AGAP1: variants seen among roughly 807,000 people sequenced by gnomAD.
AGAP1 encodes arf-GAP with GTPase, ANK repeat and PH domain-containing protein 1.
Under a neutral mutation model 105.3 loss-of-function variants are expected in AGAP1, and 29 were observed. The observed-to-expected ratio is 0.28, with a 90% CI of 0.21 to 0.38. The LOEUF is 0.38. Ranked by LOEUF, AGAP1 falls within the 10% of genes least tolerant of loss-of-function variation. The pLI is 1.00. For missense variants in AGAP1, 998 were observed against 1,165.1 expected (o/e 0.86, Z 2.09); for synonymous variants, 509 against 485.9 (o/e 1.05, Z -0.63).
intron 1 of AGAP1, among the ~76,000 whole-genome samples, chr2:235,515,009 T>C (rs565530348): frequency 6.6e-6 from 1 of 152,328 alleles, no homozygotes; most frequent in Admixed American, 6.5e-5. Context: ...TTGGGAATCT[T>C]TTCTTTGGGA....
At chr2:235,873,716 A>G (rs779146011) in intron 9 of AGAP1, among the ~76,000 whole-genome samples, 3 of 152,232 alleles carry the variant, frequency 2.0e-5, no homozygotes, top group Non-Finnish European at 4.4e-5. Flanking sequence ...CCTTGATGTC[A>G]GTCCAGAACC....
At position 236,020,621 on chromosome 2, in the gene AGAP1, T is replaced by A. The variant is rs773914807; in HGVS notation, c.1646-15940T>A. ...TTCCTCGCATGCAGACAATAAAACC[T>A]ACCTTGAAGGGTAATTGAAGAAGAA... On this transcript the variant is annotated intron_variant, in intron 13 of 17. Transcript: ENST00000304032. The surrounding 1 kb of genome is among the most constrained non-coding windows in gnomAD (Gnocchi z 5.0). Among the ~76,000 whole-genome samples, 2 of 152,170 alleles carry A rather than the reference T, an allele frequency of 1.3e-5. No homozygotes were observed. The highest frequency in any genetic ancestry group is 4.8e-5 in the African/African-American group (2 of 41,446).
rs920978564 is a variant in AGAP1 at position 235,610,680 on chromosome 2, G to T, written c.164-98499G>T. Among the ~76,000 whole-genome samples the T allele has an allele frequency of 6.6e-6, 1 of 152,072 alleles. No individual in the cohort carries two copies. The highest frequency in any genetic ancestry group is 1.9e-4 in the East Asian group (1 of 5,168). ...ATACAGCCCATAGCACAGCGCTTCC[G>T]CACACATCCACATTGCAGACCCGCC... is the stretch of plus-strand genomic sequence containing the variant. On this transcript the variant is annotated intron_variant, in intron 1 of 17. Coordinates refer to ENST00000304032, the MANE Select transcript of AGAP1 (RefSeq NM_001037131.3). The surrounding 1 kb of genome is among the most constrained non-coding windows in gnomAD (Gnocchi z 4.9).
chr2:235,908,668 C>T lies in AGAP1; in HGVS notation c.1156-70C>T, dbSNP rs943067403. On this transcript the variant is annotated intron_variant, in intron 10 of 17. Transcript: ENST00000304032. The surrounding 1 kb of genome is among the most constrained non-coding windows in gnomAD (Gnocchi z 4.4). Reference sequence around the variant, plus strand: ...TTTAACTCATGACGTCTGATAGACCCTTTTGTTCTAGGTTGTAAAAGGTCT... The same window carrying T: ...TTTAACTCATGACGTCTGATAGACCTTTTTGTTCTAGGTTGTAAAAGGTCT... The T allele has an allele frequency of 1.7e-5, 25 of 1,436,494 alleles. No individual in the cohort carries two copies. Among genetic ancestry groups the T allele is most frequent in the Non-Finnish European group, 2.3e-5 (24 of 1,062,788 alleles). 89.0% of individuals were successfully genotyped at this position (1,436,494 alleles called of 1,614,324 possible). A position where few individuals can be genotyped will look rare whatever the true frequency, so the allele number is the denominator to read the frequency against.
chr2:236,006,515 T>C (rs1274492165), intron 13 of AGAP1, among the ~76,000 whole-genome samples: 1 of 152,256 alleles, frequency 6.6e-6, no homozygotes, highest in Non-Finnish European at 1.5e-5. Flanking sequence ...TGTATCTATA[T>C]TTAACAGATT....
At chr2:235,562,388 A>G (rs1944184883) in intron 1 of AGAP1, among the ~76,000 whole-genome samples, 1 of 152,096 alleles carries the variant, frequency 6.6e-6, no homozygotes, top group Admixed American at 6.5e-5. Context: ...TGGTTCCCCG[A>G]AGCCCCCTCC....
chr2:235,749,464 A>G (rs985998471), intron 5 of AGAP1, among the ~76,000 whole-genome samples: 1 of 151,818 alleles, frequency 6.6e-6, no homozygotes, highest in Non-Finnish European at 1.5e-5. Flanking sequence ...GTGTGCACAC[A>G]TGACTTAGAT....
chr2:235,624,896 A>G (rs909804810), intron 1 of AGAP1, among the ~76,000 whole-genome samples: 1 of 150,710 alleles, frequency 6.6e-6, no homozygotes, highest in Non-Finnish European at 1.5e-5. Flanking sequence ...CCCCTTCCCC[A>G]CTCCCCGACC....
At chr2:235,605,848 C>T (rs778268759) in intron 1 of AGAP1, among the ~76,000 whole-genome samples, 4 of 152,210 alleles carry the variant, frequency 2.6e-5, no homozygotes, top group East Asian at 1.9e-4. Context: ...CCCTGTGTTG[C>T]CATGGCAACG....
chr2:236,095,772 A>G lies in AGAP1; in HGVS notation c.2115-24420A>G, dbSNP rs1361425951. Among the ~76,000 whole-genome samples, 1 of 152,242 alleles carries G rather than the reference A, an allele frequency of 6.6e-6. No homozygotes were observed. Among genetic ancestry groups the G allele is most frequent in the Non-Finnish European group, 1.5e-5 (1 of 68,042 alleles). On this transcript the variant is annotated intron_variant, in intron 16 of 17. Coordinates refer to ENST00000304032, the MANE Select transcript of AGAP1 (RefSeq NM_001037131.3). The surrounding 1 kb of genome is among the most constrained non-coding windows in gnomAD (Gnocchi z 4.1). ...TGAAGAAGTATATTAGTTCAGGGCT[A>G]GATTATGGATAGTTGCACAGAGATA... is the stretch of plus-strand genomic sequence containing the variant.
intron 9 of AGAP1, among the ~76,000 whole-genome samples, chr2:235,846,035 T>G (rs192974809): frequency 1.9e-4 from 29 of 152,276 alleles, no homozygotes; most frequent in Admixed American, 1.7e-3. Context: ...AAAAAAAAAT[T>G]TTAATTTCAC....
At chr2:235,501,666 CT>C (rs900931770) in intron 1 of AGAP1, among the ~76,000 whole-genome samples, 114 of 152,272 alleles carry the variant, frequency 7.5e-4, no homozygotes, top group African/African-American at 2.6e-3. Context: ...GTTTTTCCCC[CT>C]GTATACCCTG....
At chr2:235,650,097 C>G (rs1479028612) in intron 1 of AGAP1, among the ~76,000 whole-genome samples, 1 of 152,184 alleles carries the variant, frequency 6.6e-6, no homozygotes, top group Non-Finnish European at 1.5e-5. Context: ...GATGGTGGCT[C>G]ACGCCTGAAA....
intron 1 of AGAP1, among the ~76,000 whole-genome samples, chr2:235,573,917 C>T (rs1559259883): frequency 6.6e-6 from 1 of 152,238 alleles, no homozygotes; most frequent in Non-Finnish European, 1.5e-5. Flanking sequence ...TGGCTCCTGG[C>T]AGAGCCTCCC....
chr2:235,850,654 G>A (rs1033652660), intron 9 of AGAP1, among the ~76,000 whole-genome samples: 3 of 152,252 alleles, frequency 2.0e-5, no homozygotes, highest in Non-Finnish European at 2.9e-5. Flanking sequence ...TTTGGAATGA[G>A]CTGTTGTGTA....
intron 1 of AGAP1, among the ~76,000 whole-genome samples, chr2:235,694,870 G>A (rs1258016067): frequency 6.6e-6 from 1 of 152,204 alleles, no homozygotes; most frequent in Non-Finnish European, 1.5e-5. Flanking sequence ...AAGAGAGGCT[G>A]TGTAAGCACC....
chr2:235,595,149 AC>A (rs977366906), intron 1 of AGAP1, among the ~76,000 whole-genome samples: 22 of 152,112 alleles, frequency 1.4e-4, no homozygotes, highest in African/African-American at 5.3e-4. Flanking sequence ...CTTGACTCAG[AC>A]GGCTTGGGAG....
rs1472244867 is a variant in AGAP1 at position 235,867,812 on chromosome 2, A to G, written c.1051-15533A>G. On this transcript the variant is annotated intron_variant, in intron 9 of 17. Transcript: ENST00000304032. The surrounding 1 kb of genome is among the most constrained non-coding windows in gnomAD (Gnocchi z 5.4). ...ATGGAGCTGGTGCCGTGGGGGAAGA[A>G]TAGGTCACAGCTTGTATGACCCGTG... 6.6e-6 allele frequency among the ~76,000 whole-genome samples: 1 copy of G among 152,130 alleles called. No homozygotes were observed. Among genetic ancestry groups the G allele is most frequent in the Non-Finnish European group, 1.5e-5 (1 of 68,020 alleles).
rs147825546 is a variant in AGAP1 at position 235,865,195 on chromosome 2, A to G, written c.1051-18150A>G. Among the ~76,000 whole-genome samples, 170 of 152,292 alleles carry G rather than the reference A, an allele frequency of 1.1e-3. No individual in the cohort carries two copies. The highest frequency in any genetic ancestry group is 4.0e-3 in the African/African-American group (166 of 41,580). On this transcript the variant is annotated intron_variant, in intron 9 of 17. Transcript: ENST00000304032. This position sits in a 1 kb window ranked among gnomAD's most constrained non-coding sequence, Gnocchi z 6.2. ...CTCTGGAGAGGGGAGCAGTTTAGCC[A>G]ATTATTGCCATTTGAGCTGGATTTG...
Sources: gnomAD v4.1 joint callset for allele counts (sites outside exome capture counted in the v4.1 genomes callset) on GRCh38, gnomAD v4.1.1 for gene constraint, Gnocchi (gnomAD v3.1) non-coding constraint, MANE v1.5 for transcripts, NCBI Gene and HGNC (gene_info 2026-07-23, HGNC 2026-07-21) for gene names.